Variants in RAD51B observed in about 807,000 individuals in gnomAD.
RAD51B encodes the protein RAD51 paralog B.
Under a neutral mutation model 42.2 loss-of-function variants are expected in RAD51B, and 38 were observed. The ratio of observed to expected loss-of-function variants is 0.90; its 90% CI spans 0.70 to 1.18. RAD51B has a LOEUF of 1.18. RAD51B is among the 50% of genes most tolerant of loss of function. The probability of loss-of-function intolerance (pLI) is 0.00; values close to 1 mark genes in which losing one functional copy is unlikely to be tolerated. For missense variants in RAD51B, 373 were observed against 400.7 expected, an observed-to-expected ratio of 0.93 and a Z score of 0.59; for synonymous variants, 154 against 145.2, an observed-to-expected ratio of 1.06 and a Z score of -0.43.
intron 10 of RAD51B, among the ~76,000 whole-genome samples, chr14:68,539,339 A>G (rs534975066): frequency 9.2e-5 from 14 of 152,276 alleles, no homozygotes; most frequent in Non-Finnish European, 1.9e-4. Flanking sequence ...TGCTTCTTCC[A>G]GGTTCATCTT....
chr14:68,104,803 A>T (rs973545631), intron 7 of RAD51B, among the ~76,000 whole-genome samples: 14 of 152,104 alleles, frequency 9.2e-5, no homozygotes, highest in African/African-American at 3.4e-4. Flanking sequence ...ACCTAATGAG[A>T]TACTGTTATT....
At chr14:67,927,958 G>A (rs76479666) in intron 7 of RAD51B, among the ~76,000 whole-genome samples, 55 of 151,998 alleles carry the variant, frequency 3.6e-4, no homozygotes, top group African/African-American at 1.3e-3. Flanking sequence ...TTATTGGTCT[G>A]TATTTTTTTT....
At chr14:68,359,439 G>T (rs972598863) in intron 8 of RAD51B, among the ~76,000 whole-genome samples, 7 of 152,112 alleles carry the variant, frequency 4.6e-5, no homozygotes, top group Admixed American at 4.6e-4. Flanking sequence ...GGGGTTGGAG[G>T]AGGGAGAATG....
intron 5 of RAD51B, among the ~76,000 whole-genome samples, chr14:67,872,620 C>T (rs1373669172): frequency 1.3e-4 from 20 of 151,034 alleles, no homozygotes; most frequent in African/African-American, 4.6e-4. Flanking sequence ...AAAAAGAGCC[C>T]GCATCGCCAA....
intron 7 of RAD51B, among the ~76,000 whole-genome samples, chr14:68,153,622 C>CAT (rs1053632484): frequency 6.6e-6 from 1 of 152,004 alleles, no homozygotes; most frequent in Non-Finnish European, 1.5e-5. Flanking sequence ...GCTCGTTGGC[C>CAT]ATATATATGT....
At chr14:67,834,037 C>A (rs1200915100) in intron 3 of RAD51B, among the ~76,000 whole-genome samples, 1 of 152,196 alleles carries the variant, frequency 6.6e-6, no homozygotes, top group Admixed American at 6.5e-5. Context: ...GAAATTTATT[C>A]TCTTACAGTT....
chr14:68,361,819 G>A (rs2083031680), intron 8 of RAD51B, among the ~76,000 whole-genome samples: 1 of 152,106 alleles, frequency 6.6e-6, no homozygotes, highest in Non-Finnish European at 1.5e-5. Context: ...GGGATTACAG[G>A]CACCTGCCAC....
At chr14:67,915,645 C>T (rs1213577241) in intron 7 of RAD51B, among the ~76,000 whole-genome samples, 1 of 152,130 alleles carries the variant, frequency 6.6e-6, no homozygotes, top group African/African-American at 2.4e-5. Flanking sequence ...CCCCAGCTTT[C>T]CTCTTGACTT....
chr14:68,503,467 C>T (rs1196020285), intron 10 of RAD51B, among the ~76,000 whole-genome samples: 1 of 152,126 alleles, frequency 6.6e-6, no homozygotes, highest in East Asian at 1.9e-4. Context: ...GGCGGCAAGG[C>T]CTCACTGAGC....
downstream of RAD51B, among the ~76,000 whole-genome samples, chr14:68,479,405 C>T (rs1041157052): frequency 3.9e-5 from 6 of 152,138 alleles, no homozygotes; most frequent in Non-Finnish European, 7.3e-5. Context: ...CCCCTCCTCT[C>T]CTGAAGCAGG....
At chr14:67,917,545 A>T (rs1363930228) in intron 7 of RAD51B, among the ~76,000 whole-genome samples, 2 of 152,232 alleles carry the variant, frequency 1.3e-5, no homozygotes, top group African/African-American at 4.8e-5. Context: ...ATTAACATTC[A>T]ACATGAGATT....
chr14:68,365,844 GTTGGC>G (rs1260213245), intron 8 of RAD51B, among the ~76,000 whole-genome samples: 2 of 152,058 alleles, frequency 1.3e-5, no homozygotes, highest in Non-Finnish European at 2.9e-5. Context: ...CTCAAAAACA[GTTGGC>G]TTTATGATTG....
At chr14:67,858,466 G>A (rs80085210) in intron 4 of RAD51B, among the ~76,000 whole-genome samples, 5,435 of 152,254 alleles carry the variant, frequency 0.036, 143 homozygotes, top group Non-Finnish European at 0.057. Flanking sequence ...GGCTGTCTCC[G>A]GTATTGATTG....
intron 9 of RAD51B, among the ~76,000 whole-genome samples, chr14:68,444,624 A>G (rs2085380402): frequency 6.6e-6 from 1 of 152,202 alleles, no homozygotes; most frequent in African/African-American, 2.4e-5. Flanking sequence ...GGATGCAGAA[A>G]CTGGCCCATC....
chr14:68,580,435 G>C (rs902731778), intron 10 of RAD51B, among the ~76,000 whole-genome samples: 2 of 150,010 alleles, frequency 1.3e-5, no homozygotes, highest in African/African-American at 5.1e-5. Flanking sequence ...GGACTACTTA[G>C]TGCTCGGCAC....
intron 7 of RAD51B, among the ~76,000 whole-genome samples, chr14:67,900,176 T>A (rs2043562716): frequency 6.6e-6 from 1 of 152,206 alleles, no homozygotes; most frequent in Admixed American, 6.5e-5. Context: ...TTTGCAGCTT[T>A]GATTGCTTTT....
At chr14:68,654,520 A>C (rs1346169457) in intron 11 of RAD51B, among the ~76,000 whole-genome samples, 1 of 152,116 alleles carries the variant, frequency 6.6e-6, no homozygotes, top group Middle Eastern at 3.2e-3. Context: ...GATGGCCCTG[A>C]GCCTCAGTTT....
At chr14:67,984,199 A>G (rs577876956) in intron 7 of RAD51B, among the ~76,000 whole-genome samples, 2 of 152,188 alleles carry the variant, frequency 1.3e-5, no homozygotes, top group South Asian at 4.1e-4. Flanking sequence ...TGCCTCCCAA[A>G]GTGCTGGGAT....
chr14:68,525,910 G>A (rs1284141334), intron 10 of RAD51B, among the ~76,000 whole-genome samples: 1 of 152,158 alleles, frequency 6.6e-6, no homozygotes, highest in East Asian at 1.9e-4. Context: ...AAATACTTGT[G>A]ATTTACAATT....
Sources: allele counts gnomAD v4.1 joint callset (sites outside exome capture counted in the v4.1 genomes callset), GRCh38; gene constraint gnomAD v4.1.1; transcripts MANE v1.5; gene names NCBI Gene and HGNC (gene_info 2026-07-23, HGNC 2026-07-21).